Variants in NAV1 observed in about 807,000 individuals in gnomAD.
The protein encoded by NAV1 is neuron navigator 1, also known as pore membrane and/or filament interacting like protein 3.
Under a neutral mutation model 175.2 loss-of-function variants are expected in NAV1, and 18 were observed. The observed-to-expected ratio is 0.10, with a 90% confidence interval of 0.07 to 0.15. The LOEUF is 0.15. Ranked by LOEUF, NAV1 falls within the 10% of genes least tolerant of loss-of-function variation. The probability of loss-of-function intolerance (pLI) is 1.00; values close to 1 mark genes in which losing one functional copy is unlikely to be tolerated. For missense variants in NAV1, 1,731 were observed against 2,436.6 expected (o/e 0.71, Z 6.10); for synonymous variants, 897 against 978.7 (o/e 0.92, Z 1.56).
intron 3 of NAV1, among the ~76,000 whole-genome samples, chr1:201,756,858 T>TTCTTTCTTTCTTTC (rs1674530633): frequency 1.1e-5 from 1 of 94,792 alleles, no homozygotes; most frequent in Non-Finnish European, 2.4e-5. Context: ...CTTTCTTTCT[T>TTCTTTCTTTCTTTC]TCTTTCTTTC....
intron 1 of NAV1, among the ~76,000 whole-genome samples, chr1:201,562,171 A>ATTTTTTTTTTTTTTTTTTTTTT (rs566214709): frequency 7.9e-6 from 1 of 127,272 alleles, no homozygotes; most frequent in Non-Finnish European, 1.6e-5. Context: ...TGCCTGGCTA[A>ATTTTTTTTTTTTTTTTTTTTTT]TTTTTTTTTT....
chr1:201,800,841 T>TA (rs1558180874), intron 15 of NAV1, among the ~76,000 whole-genome samples: 5 of 121,538 alleles, frequency 4.1e-5, no homozygotes, highest in Non-Finnish European at 6.8e-5. Flanking sequence ...TTTTTTTTTT[T>TA]AGACAGGGTC....
intron 17 of NAV1, 141 bp downstream of exon 21, chr1:201,804,638 C>T (rs567950508): frequency 5.1e-6 from 4 of 791,178 alleles, no homozygotes; most frequent in Non-Finnish European, 7.9e-6. Context: ...GTAACAACCA[C>T]CCAGAGTTCC....
At position 201,642,511 on chromosome 1, in the gene NAV1, C is replaced by CTCTTTCTTTTTCTTTCTTTCTTTCTT. The variant is rs1553247032; in HGVS notation, c.5-6114_5-6113insTTCTTTCTTTCTTTCTTTCTTTCTTT. Among the ~76,000 whole-genome samples, 199 of 45,560 alleles carry CTCTTTCTTTTTCTTTCTTTCTTTCTT rather than the reference C, an allele frequency of 4.4e-3. 9 individuals carry two copies. The highest frequency in any genetic ancestry group is 0.015 in the African/African-American group (184 of 12,154). The allele number at this position is 45,560 out of a possible 152,430, so 29.9% of individuals were successfully genotyped here. A position where few individuals can be genotyped will look rare whatever the true frequency, so the allele number is the denominator to read the frequency against. ...ACAGGTGTGAGCCACCGCACCCGGC[C>CTCTTTCTTTTTCTTTCTTTCTTTCTT]TCTTTCTTTCTTTTTTTCTTTCTTT... On this transcript the variant is annotated intron_variant, in intron 2 of 29. Coordinates refer to the NAV1 transcript ENST00000367302.
chr1:201,793,605 C>T (rs1256767299), intron 13 of NAV1, 187 bp from the exon 18 acceptor site: 2 of 576,434 alleles, frequency 3.5e-6, no homozygotes, highest in Non-Finnish European at 6.2e-6. Flanking sequence ...TGGTTCCCAC[C>T]AGAAAATTTC....
exon 30 of NAV1, chr1:201,825,197 C>T (rs1423172890): frequency 6.6e-6 from 1 of 152,082 alleles, no homozygotes; most frequent in African/African-American, 2.4e-5. Context: ...AACCTTATGC[C>T]TTGGAAATTA....
intron 2 of NAV1, among the ~76,000 whole-genome samples, chr1:201,636,555 A>G (rs1289408029): frequency 6.6e-6 from 1 of 152,188 alleles, no homozygotes; most frequent in East Asian, 1.9e-4. Context: ...GGAGCTGAAG[A>G]TAATTAAAGG....
intron 3 of NAV1, among the ~76,000 whole-genome samples, chr1:201,770,199 G>T (rs1291013785): frequency 6.6e-6 from 1 of 152,220 alleles, no homozygotes; most frequent in Admixed American, 6.5e-5. Flanking sequence ...TTTCCCAGAG[G>T]GGAGGAGTGT....
rs942634318 is a variant in NAV1, at chr1:201,539,866, AC to A, written c.-144+529del. Among the ~76,000 whole-genome samples, 14 of 151,772 alleles carry A rather than the reference AC, an allele frequency of 9.2e-5. No homozygotes were observed. ...GGCCGTTCCAGAAAACGTTCCCCGC[AC>A]CCCCGGGATGCGCCGGGAAGCGCCC... On this transcript the variant is annotated intron_variant, in intron 1 of 33. Transcript: ENST00000685211. This position sits in a 1 kb window ranked among gnomAD's most constrained non-coding sequence, Gnocchi z 5.6.
At chr1:201,585,711 A>T (rs2102202582) in intron 1 of NAV1, among the ~76,000 whole-genome samples, 1 of 152,340 alleles carries the variant, frequency 6.6e-6, no homozygotes, top group African/African-American at 2.4e-5. Flanking sequence ...ATATGAAAAG[A>T]TGCTTAACAT....
chr1:201,673,663 A>C (rs1670134626), intron 1 of NAV1, among the ~76,000 whole-genome samples: 1 of 152,182 alleles, frequency 6.6e-6, no homozygotes, highest in Admixed American at 6.5e-5. Context: ...AGGGCAGAAG[A>C]GTTCAAGACC....
chr1:201,745,594 T>A (rs1285337927), intron 3 of NAV1, among the ~76,000 whole-genome samples: 1 of 152,138 alleles, frequency 6.6e-6, no homozygotes, highest in Non-Finnish European at 1.5e-5. Context: ...TTCTGATGTG[T>A]GCATATGTTC....
chr1:201,665,343 T>C (rs1255574067), intron 1 of NAV1, among the ~76,000 whole-genome samples: 2 of 152,108 alleles, frequency 1.3e-5, no homozygotes, highest in African/African-American at 4.8e-5. Flanking sequence ...TGTGTTCTCA[T>C]TGTGCCTCCA....
At chr1:201,579,921 C>T (rs571376440) in intron 1 of NAV1, among the ~76,000 whole-genome samples, 164 of 152,350 alleles carry the variant, frequency 1.1e-3, no homozygotes, top group Non-Finnish European at 2.0e-3. Flanking sequence ...AAGCCAGTAG[C>T]ATGGCTCAGT....
chr1:201,594,004 C>T (rs1667281148), intron 2 of NAV1, among the ~76,000 whole-genome samples: 1 of 151,754 alleles, frequency 6.6e-6, no homozygotes, highest in Non-Finnish European at 1.5e-5. Context: ...ATGTAGCAAG[C>T]CATCCTGAGA....
At chr1:201,809,497 A>C (rs1191101395) in exon 22 of NAV1, 1 of 1,614,118 alleles carries the variant, frequency 6.2e-7, no homozygotes, top group Non-Finnish European at 8.5e-7. Flanking sequence ...GGAAAAGTTG[A>C]CTGGAAGATG....
chr1:201,683,623 G>A (rs1238636445), intron 1 of NAV1, among the ~76,000 whole-genome samples: 1 of 152,184 alleles, frequency 6.6e-6, no homozygotes, highest in South Asian at 2.1e-4. Flanking sequence ...CTGCTGTGTG[G>A]CATACTCACC....
At chr1:201,697,231 G>A (rs369216659) in intron 1 of NAV1, among the ~76,000 whole-genome samples, 5 of 152,204 alleles carry the variant, frequency 3.3e-5, no homozygotes, top group Non-Finnish European at 7.3e-5. Context: ...CAGATGGGCC[G>A]AGTCACAGGG....
At chr1:201,582,414 A>T (rs921508422) in intron 1 of NAV1, among the ~76,000 whole-genome samples, 20 of 152,196 alleles carry the variant, frequency 1.3e-4, no homozygotes, top group Admixed American at 1.3e-3. Context: ...TGGGCCTCCA[A>T]AGGGACTTGG....
Sources: gnomAD v4.1 joint callset for allele counts (sites outside exome capture counted in the v4.1 genomes callset) on GRCh38, gnomAD v4.1.1 for gene constraint, Gnocchi (gnomAD v3.1) non-coding constraint, MANE v1.5 for transcripts, NCBI Gene and HGNC (gene_info 2026-07-23, HGNC 2026-07-21) for gene names.